ECE1: variants seen among roughly 807,000 people sequenced by gnomAD.
ECE1 encodes the protein endothelin converting enzyme 1.
In ECE1, 35 loss-of-function variants were observed where a neutral mutation model predicts 98.6. That is an observed-to-expected ratio of 0.35 (90% CI 0.27 to 0.47). ECE1 has a LOEUF of 0.47. Among genes scored for constraint, ECE1 ranks in the 20% least tolerant of loss-of-function variants. The pLI is 1.00. For missense variants in ECE1, 814 were observed against 1,025.3 expected, an observed-to-expected ratio of 0.79 and a Z score of 2.81; for synonymous variants, 394 against 407.1, an observed-to-expected ratio of 0.97 and a Z score of 0.39.
Position 21,258,601 on chromosome 1 carries a change from C to A in ECE1, c.762+92G>T, listed in dbSNP as rs900649603. 8.8e-6 allele frequency: 9 copies of A among 1,018,874 alleles called. No individual in the cohort carries two copies. The highest frequency in any genetic ancestry group is 3.5e-5 in the East Asian group (1 of 28,608). The allele number at this position is 1,018,874 out of a possible 1,614,324, so 63.1% of individuals were successfully genotyped here. A position where few individuals can be genotyped will look rare whatever the true frequency, so the allele number is the denominator to read the frequency against. On this transcript the variant is annotated intron_variant, in intron 6 of 18. Transcript: ENST00000374893. The surrounding 1 kb of genome is among the most constrained non-coding windows in gnomAD (Gnocchi z 4.2). ...TAGAAGACCGCCGTCCCACCCAGGG[C>A]AAGCCCCTCTCCCACCCCAGGTCCT...
intron 10 of ECE1, 139 bp downstream of exon 10, chr1:21,244,850 C>T (rs1275316482): frequency 1.3e-6 from 1 of 791,424 alleles, no homozygotes; most frequent in Non-Finnish European, 2.2e-6. Context: ...CCTCTTTACC[C>T]TTTACTTGGC....
At chr1:21,242,616 G>A (rs2098197980) in intron 10 of ECE1, among the ~76,000 whole-genome samples, 1 of 152,112 alleles carries the variant, frequency 6.6e-6, no homozygotes, top group Admixed American at 6.6e-5. Flanking sequence ...CAGCCCTGGG[G>A]TATCCAGAGA....
intron 4 of ECE1, chr1:21,266,197 C>T (rs1306664471): frequency 6.6e-6 from 1 of 151,700 alleles, no homozygotes; most frequent in African/African-American, 2.4e-5. Context: ...CTGGGAATCC[C>T]CCACGCGCTG....
In ECE1 at chr1:21,287,961, A is replaced by G. The variant is rs543988723; in HGVS notation, c.138+2109T>C. Among the ~76,000 whole-genome samples, 37 of 88,488 alleles carry G rather than the reference A, an allele frequency of 4.2e-4. 1 individual carries two copies. The highest frequency in any genetic ancestry group is 1.1e-3 in the African/African-American group (17 of 15,928). The allele number at this position is 88,488 out of a possible 152,430, so 58.1% of individuals were successfully genotyped here. ...AGCATATAAAGCTTTTACACTGGGGAAAAAAAAAAAAACAATGATTGAAAA... is the reference window on the plus strand; with the variant it reads ...AGCATATAAAGCTTTTACACTGGGGGAAAAAAAAAAAACAATGATTGAAAA... On this transcript the variant is annotated intron_variant, in intron 2 of 18. Transcript: ENST00000374893.
At position 21,258,293 on chromosome 1, in the gene ECE1, G is replaced by A. The variant is rs900582451; in HGVS notation, c.762+400C>T. Among the ~76,000 whole-genome samples, 3 of 152,230 alleles carry A rather than the reference G, an allele frequency of 2.0e-5. No individual in the cohort carries two copies. The highest frequency in any genetic ancestry group is 4.4e-5 in the Non-Finnish European group (3 of 68,046). On this transcript the variant is annotated intron_variant, in intron 6 of 18. Coordinates refer to ENST00000374893, the MANE Select transcript of ECE1 (RefSeq NM_001397.3). This position sits in a 1 kb window ranked among gnomAD's most constrained non-coding sequence, Gnocchi z 4.2. ...GCATTGGAGGTTGGGGCAGACCAGTGCTGGAGCTCCCCTGGGCAGGCTGAG... is the reference window on the plus strand; with the variant it reads ...GCATTGGAGGTTGGGGCAGACCAGTACTGGAGCTCCCCTGGGCAGGCTGAG...
chr1:21,313,130 G>A (rs1195281237), intron 1 of ECE1, among the ~76,000 whole-genome samples: 1 of 152,062 alleles, frequency 6.6e-6, no homozygotes, highest in Non-Finnish European at 1.5e-5. Flanking sequence ...TTCCCTCCTG[G>A]ACTCTGATGC....
At position 21,272,905 on chromosome 1, in the gene ECE1, G is replaced by A; in HGVS notation, c.287C>T (p.Pro96Leu). The change falls in exon 4 of 19, where the codon CCC (proline) becomes CTC (leucine). Residue 96 changes from proline to leucine, a missense_variant. By Grantham distance (98) the Pro-to-Leu change is moderately conservative. Transcript: ENST00000374893. ...ALGIQYQTRS[P>L]SVCLSEACVS... ...ACAAGCTTCGCTCAGGCACACAGAGGGGGATCCTGGAAGGGTTAAGGACAA... is the reference window on the plus strand; with the variant it reads ...ACAAGCTTCGCTCAGGCACACAGAGAGGGATCCTGGAAGGGTTAAGGACAA... 6.2e-7 allele frequency: 1 copy of A among 1,614,138 alleles called. No individual in the cohort carries two copies. Among genetic ancestry groups the A allele is most frequent in the Middle Eastern group, 1.7e-4 (1 of 6,060 alleles).
At chr1:21,296,757 CT>C (rs1638365561) in intron 1 of ECE1, among the ~76,000 whole-genome samples, 1 of 152,172 alleles carries the variant, frequency 6.6e-6, no homozygotes, top group Admixed American at 6.5e-5. Context: ...GCCTCACCTC[CT>C]TTTTTTGTGC....
chr1:21,248,187 T>C (rs77462938), intron 8 of ECE1, among the ~76,000 whole-genome samples: 2 of 152,090 alleles, frequency 1.3e-5, no homozygotes, highest in Non-Finnish European at 2.9e-5. Context: ...TTTTTTTTTT[T>C]TGAGACGGAG....
At position 21,219,684 on chromosome 1, in the gene ECE1, G is replaced by A. The variant is rs1382208084; in HGVS notation, c.*271C>T. 1.9e-6 allele frequency: 1 copy of A among 539,490 alleles called. No individual in the cohort carries two copies. The highest frequency in any genetic ancestry group is 1.9e-5 in the African/African-American group (1 of 52,804). 33.4% of individuals were successfully genotyped at this position (539,490 alleles called of 1,614,324 possible). On this transcript the variant is annotated 3_prime_UTR_variant, in exon 19 of 19. Coordinates refer to ENST00000374893, the MANE Select transcript of ECE1 (RefSeq NM_001397.3). The surrounding 1 kb of genome is among the most constrained non-coding windows in gnomAD (Gnocchi z 4.5). ...CGTATCTGGCGCTTGTCAGTGTGGG[G>A]CCCAGGCCTGATGAGCCACCAGCCC...
Position 21,219,644 on chromosome 1 carries a change from C to T in ECE1, c.*311G>A, listed in dbSNP as rs2098164842. ...AAATATATCTTGAAAGCATTTGACA[C>T]AGTGGTATTTGTGGCGTATCTGGCG... On this transcript the variant is annotated 3_prime_UTR_variant, in exon 19 of 19. Coordinates refer to ENST00000374893, the MANE Select transcript of ECE1 (RefSeq NM_001397.3). This position sits in a 1 kb window ranked among gnomAD's most constrained non-coding sequence, Gnocchi z 4.5. 4.6e-6 allele frequency: 2 copies of T among 437,828 alleles called. No homozygotes were observed. Among genetic ancestry groups the T allele is most frequent in the Non-Finnish European group, 8.4e-6 (2 of 237,344 alleles). The allele number at this position is 437,828 out of a possible 1,614,324, so 27.1% of individuals were successfully genotyped here. A position where few individuals can be genotyped will look rare whatever the true frequency, so the allele number is the denominator to read the frequency against.
chr1:21,247,403 C>G (rs921745821), intron 8 of ECE1, 40 bp from the exon 9 acceptor site: 2 of 1,614,068 alleles, frequency 1.2e-6, no homozygotes, highest in East Asian at 2.2e-5. Flanking sequence ...TGGGGCTGCT[C>G]CTCCTCACAG....
At chr1:21,309,941 G>A (rs1373484840) in intron 1 of ECE1, among the ~76,000 whole-genome samples, 4 of 152,038 alleles carry the variant, frequency 2.6e-5, no homozygotes, top group Non-Finnish European at 4.4e-5. Flanking sequence ...ACAGGCGCCC[G>A]CCACCACACC....
intron 17 of ECE1, chr1:21,222,067 T>C: frequency 1.7e-6 from 1 of 575,556 alleles, no homozygotes; most frequent in Non-Finnish European, 3.1e-6. Flanking sequence ...TTACACCTTC[T>C]GCTCCAGCCT....
At position 21,229,304 on chromosome 1, in the gene ECE1, C is replaced by G. The variant is rs2098178822; in HGVS notation, c.1671-1263G>C. ...GCTCAAGCTATCCTCCCACCTCAGC[C>G]TCTCAAGTAGCTGGGACTACAAGCA... On this transcript the variant is annotated intron_variant, in intron 14 of 18. Coordinates refer to ENST00000374893, the MANE Select transcript of ECE1 (RefSeq NM_001397.3). Among the ~76,000 whole-genome samples, 3 of 152,104 alleles carry G rather than the reference C, an allele frequency of 2.0e-5. No individual in the cohort carries two copies. In the South Asian group the frequency reaches 6.2e-4, roughly 32 times the overall value.
At position 21,258,703 on chromosome 1, in the gene ECE1, T is replaced by C. The variant is rs761507145; in HGVS notation, c.752A>G (p.Asn251Ser). 4 of 1,612,662 alleles carry C rather than the reference T, an allele frequency of 2.5e-6. No individual in the cohort carries two copies. In the Middle Eastern group the frequency reaches 5.0e-4, roughly 200 times the overall value. Reference sequence around the variant, plus strand: ...TTCAAGCTAGCTCACCTGGATCACGTTGCTGTTGGAGTTCTTGGAATCGGC... The same window carrying C: ...TTCAAGCTAGCTCACCTGGATCACGCTGCTGTTGGAGTTCTTGGAATCGGC... ...VSADSKNSNS[N>S]VIQVDQSGLG... is the part of the protein sequence containing the mutation. The change falls in exon 6 of 19, where the codon AAC (asparagine) becomes AGC (serine). Residue 251 changes from asparagine to serine, a missense_variant. Physicochemically the swap from Asn to Ser is conservative, Grantham distance 46. Around this residue, in one of 3 missense-constraint regions of ECE1, gnomAD observed 105 missense variants for 179.1 expected, o/e 0.59. Coordinates refer to ENST00000374893, the MANE Select transcript of ECE1 (RefSeq NM_001397.3). The surrounding 1 kb of genome is among the most constrained non-coding windows in gnomAD (Gnocchi z 4.2).
intron 1 of ECE1, among the ~76,000 whole-genome samples, chr1:21,321,628 T>C (rs1297926161): frequency 1.3e-5 from 2 of 151,994 alleles, no homozygotes; most frequent in Non-Finnish European, 2.9e-5. Flanking sequence ...GATTGATTGA[T>C]TGATTGAGAT....
chr1:21,269,520 C>G (rs551815344), intron 4 of ECE1, among the ~76,000 whole-genome samples: 1 of 152,134 alleles, frequency 6.6e-6, no homozygotes, highest in Non-Finnish European at 1.5e-5. Context: ...GGTGATGAGC[C>G]GAGGACCTAA....
chr1:21,257,792 C>CG (rs1276182592), intron 6 of ECE1, among the ~76,000 whole-genome samples: 4 of 152,040 alleles, frequency 2.6e-5, no homozygotes, highest in South Asian at 2.1e-4. Context: ...GTGGCCCCCC[C>CG]CCGCAGGGCT....
Sources: gnomAD v4.1 joint callset for allele counts (sites outside exome capture counted in the v4.1 genomes callset) on GRCh38, gnomAD v4.1.1 for gene constraint, gnomAD v4.1.1 regional missense constraint, Gnocchi (gnomAD v3.1) non-coding constraint, MANE v1.5 for transcripts, NCBI Gene and HGNC (gene_info 2026-07-23, HGNC 2026-07-21) for gene names.